VRTN: variants seen among roughly 807,000 people sequenced by gnomAD.
The protein encoded by VRTN is vertnin.
In VRTN, 5 loss-of-function variants were observed where a neutral mutation model predicts 18.2. That is an observed-to-expected ratio of 0.27 (90% CI 0.14 to 0.58). The LOEUF (loss-of-function observed/expected upper bound fraction) is 0.58, where lower values mean the gene tolerates loss of function less well. Among genes scored for constraint, VRTN ranks in the 20% least tolerant of loss-of-function variants. The pLI, the probability that VRTN is intolerant of heterozygous loss-of-function variation, is 0.91. For synonymous variants in VRTN, 381 were observed against 393.7 expected (o/e 0.97, Z 0.38); for missense variants, 741 against 939.4 (o/e 0.79, Z 2.76).
At position 74,358,374 on chromosome 14, in the gene VRTN, C is replaced by A. The variant is rs762996034; in HGVS notation, c.1591C>A (p.Leu531Ile). 1 of 1,613,912 alleles carries A rather than the reference C, an allele frequency of 6.2e-7. No individual in the cohort carries two copies. Among genetic ancestry groups the A allele is most frequent in the African/African-American group, 1.3e-5 (1 of 75,074 alleles). The stretch of plus-strand genomic sequence containing the variant: ...GCATCTCCCTTTCTGCCGCTTCCGC[C>A]TCCGCTACCCCAGCCTGTCACCTTC... ...SGHLPFCRFR[L>I]RYPSLSPSAF... The change falls in exon 2 of 2, where the codon CTC becomes ATC. Residue 531 changes from leucine to isoleucine, a missense_variant. Physicochemically the swap from Leu to Ile is conservative, Grantham distance 5. Coordinates refer to ENST00000256362, the MANE Select transcript of VRTN (RefSeq NM_018228.3). This position sits in a 1 kb window ranked among gnomAD's most constrained non-coding sequence, Gnocchi z 5.4.
rs373841898 is a variant in VRTN at position 74,357,882 on chromosome 14, G to A, written c.1099G>A (p.Glu367Lys). Residue 367 changes from glutamate to lysine, a missense_variant, in exon 2 of 2, where the codon GAG becomes AAG. Glu to Lys is a moderately conservative substitution (Grantham distance 56, BLOSUM62 1). This residue lies in a region of VRTN where 494 missense variants were observed against 546.5 expected (regional missense o/e 0.90). Transcript: ENST00000256362. The surrounding 1 kb of genome is among the most constrained non-coding windows in gnomAD (Gnocchi z 7.8). ...SGTCPALPPR[E>K]VLGMEELEKL... ...CACCTGCCCGGCCTTGCCCCCCAGG[G>A]AGGTGCTGGGCATGGAGGAGCTAGA... The A allele has an allele frequency of 2.5e-6, 4 of 1,613,876 alleles. No homozygotes were observed. Among genetic ancestry groups the A allele is most frequent in the Non-Finnish European group, 2.5e-6 (3 of 1,180,042 alleles).
chr14:74,310,142 A>G (rs2085377923), intron 1 of VRTN, among the ~76,000 whole-genome samples: 1 of 152,172 alleles, frequency 6.6e-6, no homozygotes, highest in African/African-American at 2.4e-5. Context: ...TCACGCCTGT[A>G]ATCCCAGCAC....
At chr14:74,319,623 G>C (rs2085440423) in intron 1 of VRTN, among the ~76,000 whole-genome samples, 2 of 152,186 alleles carry the variant, frequency 1.3e-5, no homozygotes, top group Admixed American at 6.6e-5. Flanking sequence ...TTTATGGACA[G>C]GTTAAATTTG....
intron 2 of VRTN, among the ~76,000 whole-genome samples, chr14:74,342,344 A>C (rs902035285): frequency 1.3e-5 from 2 of 152,172 alleles, no homozygotes; most frequent in African/African-American, 4.8e-5. Flanking sequence ...AATATTTCTA[A>C]TTCCTGTCAT....
At chr14:74,311,641 C>A (rs376375871) in intron 1 of VRTN, among the ~76,000 whole-genome samples, 20 of 152,156 alleles carry the variant, frequency 1.3e-4, no homozygotes, top group East Asian at 7.7e-4. Context: ...AATTCCTGAC[C>A]TCGGGTGATC....
intron 1 of VRTN, among the ~76,000 whole-genome samples, chr14:74,332,294 CAA>C (rs1464726488): frequency 7.2e-6 from 1 of 137,966 alleles, no homozygotes; most frequent in Non-Finnish European, 1.5e-5. Context: ...CCTGGCAGGA[CAA>C]GTCTACCTTT....
rs2140217212 is a variant in VRTN, at chr14:74,359,947, A to T, written c.*1055A>T. The T allele has an allele frequency of 6.0e-6, 1 of 167,180 alleles. No individual in the cohort carries two copies. The highest frequency in any genetic ancestry group is 1.9e-4 in the East Asian group (1 of 5,184). The allele number at this position is 167,180 out of a possible 1,614,324, so 10.4% of individuals were successfully genotyped here. A position where few individuals can be genotyped will look rare whatever the true frequency, so the allele number is the denominator to read the frequency against. On this transcript the variant is annotated 3_prime_UTR_variant, in exon 2 of 2. Transcript: ENST00000256362. ...AAGCGGCCAGGCAGGTGGGAGACTG[A>T]ATTTGCCTTGTTCGAGAGTAACGTT...
chr14:74,313,088 G>T (rs1481926373), intron 1 of VRTN, among the ~76,000 whole-genome samples: 1 of 152,124 alleles, frequency 6.6e-6, no homozygotes, highest in African/African-American at 2.4e-5. Context: ...TTTTTTCAGA[G>T]ATTATACCCT....
rs199548722 is a variant in VRTN, at chr14:74,357,300, G to C, written c.517G>C (p.Val173Leu). Residue 173 changes from valine (V) to leucine (L), a missense_variant, in exon 2 of 2, where the codon GTG (valine) becomes CTG (leucine). Transcript: ENST00000256362. The surrounding 1 kb of genome is among the most constrained non-coding windows in gnomAD (Gnocchi z 7.8). Reference sequence around the variant, plus strand: ...CTGTTTCCCCAGCAGCTTCTCCAACGTGTGGCACTTGTATGCTCTCGCCTC... The same window carrying C: ...CTGTTTCCCCAGCAGCTTCTCCAACCTGTGGCACTTGTATGCTCTCGCCTC... Reference protein sequence around the residue: ...ASCFPSSFSNVWHLYALASVL... With the variant: ...ASCFPSSFSNLWHLYALASVL... The C allele has an allele frequency of 6.2e-7, 1 of 1,612,968 alleles. No homozygotes were observed.
At chr14:74,339,290 A>G (rs915660572) in intron 2 of VRTN, among the ~76,000 whole-genome samples, 10 of 152,080 alleles carry the variant, frequency 6.6e-5, no homozygotes, top group African/African-American at 2.2e-4. Flanking sequence ...AGATGAGGAA[A>G]CTGAGGGTCA....
chr14:74,310,030 A>G (rs1031388105), intron 1 of VRTN, among the ~76,000 whole-genome samples: 11 of 152,192 alleles, frequency 7.2e-5, no homozygotes, highest in African/African-American at 2.7e-4. Flanking sequence ...AGCAACCAGA[A>G]TGCTTATCAA....
intron 1 of VRTN, among the ~76,000 whole-genome samples, chr14:74,304,008 C>A (rs984650755): frequency 1.4e-5 from 2 of 147,734 alleles, no homozygotes; most frequent in East Asian, 4.1e-4. Flanking sequence ...TGTGCCACCA[C>A]GCCCAGCTAA....
chr14:74,315,086 GAAGA>G (rs1464551417), intron 1 of VRTN, among the ~76,000 whole-genome samples: 1 of 152,200 alleles, frequency 6.6e-6, no homozygotes, highest in African/African-American at 2.4e-5. Context: ...CAGGAGAAGA[GAAGA>G]AAGAGACTTT....
chr14:74,313,076 A>T (rs1236181967), intron 1 of VRTN, among the ~76,000 whole-genome samples: 3 of 152,068 alleles, frequency 2.0e-5, no homozygotes, highest in Admixed American at 6.6e-5. Context: ...TATACAATAA[A>T]TTTTTTTCAG....
intron 1 of VRTN, among the ~76,000 whole-genome samples, chr14:74,321,265 A>G (rs544675586): frequency 7.9e-5 from 12 of 152,226 alleles, no homozygotes; most frequent in African/African-American, 1.9e-4. Context: ...GTTAACCTCT[A>G]TTGAATACTT....
chr14:74,329,846 G>T (rs1344921581), intron 1 of VRTN, among the ~76,000 whole-genome samples: 1 of 150,906 alleles, frequency 6.6e-6, no homozygotes, highest in Non-Finnish European at 1.5e-5. Flanking sequence ...CAAAGTGCTG[G>T]GATTATAGGC....
intron 1 of VRTN, among the ~76,000 whole-genome samples, chr14:74,310,079 GT>G (rs1300160903): frequency 6.6e-6 from 1 of 152,146 alleles, no homozygotes; most frequent in African/African-American, 2.4e-5. Context: ...CCCTCACTGT[GT>G]AGAATATATT....
rs67857502 is a variant in VRTN, at chr14:74,332,335, GTTTTTTTTTTTTTTTTTTTTTTT to G, written c.-163-5369_-163-5347del. Among the ~76,000 whole-genome samples the G allele has an allele frequency of 9.9e-3, 390 of 39,588 alleles. 14 individuals are homozygous for G. Among genetic ancestry groups the G allele is most frequent in the Middle Eastern group, 0.045 (2 of 44 alleles). The allele number at this position is 39,588 out of a possible 152,430, so 26.0% of individuals were successfully genotyped here. On this transcript the variant is annotated intron_variant, in intron 1 of 2. Transcript: ENST00000557177. Reference sequence around the variant, plus strand: ...CCTCCGGAGGATCGACTCCTAATCTGTTTTTTTTTTTTTTTTTTTTTTTTTTTTTTTTTTTTTTTTTAGATGGA... The same window carrying G: ...CCTCCGGAGGATCGACTCCTAATCTGTTTTTTTTTTTTTTTTTTAGATGGA...
chr14:74,303,067 C>T, upstream of VRTN: 5 of 749,190 alleles, frequency 6.7e-6, 1 homozygote, highest in Middle Eastern at 1.3e-3. Context: ...ACCGACGTCT[C>T]TAAAAGTACC....
Sources: gnomAD v4.1 joint callset for allele counts (sites outside exome capture counted in the v4.1 genomes callset) on GRCh38, gnomAD v4.1.1 for gene constraint, gnomAD v4.1.1 regional missense constraint, Gnocchi (gnomAD v3.1) non-coding constraint, MANE v1.5 for transcripts, NCBI Gene and HGNC (gene_info 2026-07-23, HGNC 2026-07-21) for gene names.